ITGBL1: variants seen among roughly 807,000 people sequenced by gnomAD.
The protein encoded by ITGBL1 is integrin subunit beta like 1.
In ITGBL1, 51 loss-of-function variants were observed where a neutral mutation model predicts 68.5. The observed-to-expected ratio is 0.74, with a 90% CI of 0.59 to 0.94. The LOEUF (loss-of-function observed/expected upper bound fraction) is 0.94. Among genes scored for constraint, ITGBL1 ranks in the 40% least tolerant of loss-of-function variants. The pLI is 0.00. For synonymous variants in ITGBL1, 209 were observed against 227.3 expected, an observed-to-expected ratio of 0.92 and a Z score of 0.72; for missense variants, 649 against 647.4, an observed-to-expected ratio of 1.00 and a Z score of -0.03.
intron 7 of ITGBL1, among the ~76,000 whole-genome samples, chr13:101,653,242 T>C (rs2032811217): frequency 7.1e-6 from 1 of 140,134 alleles, no homozygotes; most frequent in African/African-American, 2.5e-5. Flanking sequence ...ATTTGTGCCA[T>C]TGACTAACTG....
chr13:101,554,107 C>T (rs937964822), intron 2 of ITGBL1, among the ~76,000 whole-genome samples: 3 of 152,102 alleles, frequency 2.0e-5, no homozygotes, highest in Non-Finnish European at 4.4e-5. Flanking sequence ...GGATAACAGT[C>T]ATATCAGATT....
Position 101,672,996 on chromosome 13 carries a change from G to T in ITGBL1, c.1016-19589G>T, listed in dbSNP as rs117187613. ...AGACAATTTGATGTAAATTTCAAGG[G>T]ACAAGACTTGTGCCTGATGTTTGAG... On this transcript the variant is annotated intron_variant, in intron 7 of 10. Coordinates refer to ENST00000376180, the MANE Select transcript of ITGBL1 (RefSeq NM_004791.3). 5.6e-3 allele frequency among the ~76,000 whole-genome samples: 846 copies of T among 152,246 alleles called. 4 individuals carry two copies. The highest frequency in any genetic ancestry group is 0.01 in the Non-Finnish European group (702 of 68,018).
chr13:101,476,834 C>A (rs1291593883), intron 2 of ITGBL1, among the ~76,000 whole-genome samples: 1 of 151,974 alleles, frequency 6.6e-6, no homozygotes, highest in Non-Finnish European at 1.5e-5. Flanking sequence ...AACTGGAGCA[C>A]CTAGACATGT....
At chr13:101,472,389 C>G (rs2048474267) in intron 2 of ITGBL1, among the ~76,000 whole-genome samples, 1 of 152,266 alleles carries the variant, frequency 6.6e-6, no homozygotes, top group African/African-American at 2.4e-5. Flanking sequence ...AAGCTGCTTA[C>G]CTATGTTTTG....
chr13:101,571,690 A>G lies in ITGBL1; in HGVS notation c.464-3734A>G, dbSNP rs576962111. On this transcript the variant is annotated intron_variant, in intron 3 of 10. Transcript: ENST00000376180. Reference sequence around the variant, plus strand: ...CATGTATTTCTTTTTGTGTAAAGATAAATAGACATATTTGTGTGTTATTAT... The same window carrying G: ...CATGTATTTCTTTTTGTGTAAAGATGAATAGACATATTTGTGTGTTATTAT... Among the ~76,000 whole-genome samples, 117 of 152,268 alleles carry G rather than the reference A, an allele frequency of 7.7e-4. 1 individual carries two copies. Among genetic ancestry groups the G allele is most frequent in the African/African-American group, 2.7e-3 (111 of 41,572 alleles).
intron 2 of ITGBL1, among the ~76,000 whole-genome samples, chr13:101,463,814 A>T (rs1002784637): frequency 6.6e-6 from 1 of 152,140 alleles, no homozygotes; most frequent in Admixed American, 6.6e-5. Flanking sequence ...TATGTAATAA[A>T]CATTACTGAA....
chr13:101,630,333 A>G (rs1157761881), intron 7 of ITGBL1, among the ~76,000 whole-genome samples: 1 of 152,146 alleles, frequency 6.6e-6, no homozygotes. Flanking sequence ...TTGAATGACA[A>G]TATTTTCTTT....
At chr13:101,559,494 A>C (rs2050065567) in intron 2 of ITGBL1, among the ~76,000 whole-genome samples, 1 of 152,258 alleles carries the variant, frequency 6.6e-6, no homozygotes, top group Non-Finnish European at 1.5e-5. Context: ...TCTTTCACCA[A>C]GGATTGTGAA....
intron 6 of ITGBL1, among the ~76,000 whole-genome samples, chr13:101,596,302 CTT>C (rs1474892117): frequency 1.3e-5 from 2 of 152,082 alleles, no homozygotes; most frequent in Non-Finnish European, 2.9e-5. Flanking sequence ...AATGGGGAGA[CTT>C]TGCATACAAA....
At chr13:101,682,557 A>G (rs2033669096) in intron 7 of ITGBL1, among the ~76,000 whole-genome samples, 1 of 152,026 alleles carries the variant, frequency 6.6e-6, no homozygotes, top group Non-Finnish European at 1.5e-5. Flanking sequence ...AATTTCCATC[A>G]TATTTACTAA....
chr13:101,564,703 A>C (rs1288054723), intron 2 of ITGBL1, among the ~76,000 whole-genome samples: 2 of 149,768 alleles, frequency 1.3e-5, no homozygotes, highest in African/African-American at 2.4e-5. Flanking sequence ...TGTATGTATA[A>C]ATTTTAAAAC....
intron 5 of ITGBL1, among the ~76,000 whole-genome samples, chr13:101,580,550 A>G (rs1383298734): frequency 1.3e-5 from 2 of 152,056 alleles, no homozygotes; most frequent in Non-Finnish European, 2.9e-5. Flanking sequence ...TTAACTTATC[A>G]TTTACATTAG....
intron 2 of ITGBL1, among the ~76,000 whole-genome samples, chr13:101,530,352 GTATCT>G (rs1343001106): frequency 6.6e-6 from 1 of 152,088 alleles, no homozygotes; most frequent in Non-Finnish European, 1.5e-5. Flanking sequence ...ATGTCTACTA[GTATCT>G]TATAAGTAAG....
At chr13:101,505,746 G>A (rs1196273766) in intron 2 of ITGBL1, among the ~76,000 whole-genome samples, 1 of 149,396 alleles carries the variant, frequency 6.7e-6, no homozygotes, top group Non-Finnish European at 1.5e-5. Context: ...ATCAATAGTC[G>A]ATGTTCCCTT....
rs150824118 is a variant in ITGBL1 at position 101,651,028 on chromosome 13, C to T, written c.1016-41557C>T. On this transcript the variant is annotated intron_variant, in intron 7 of 10. Coordinates refer to ENST00000376180, the MANE Select transcript of ITGBL1 (RefSeq NM_004791.3). ...AGTATTTCATGGTGTATGTGTACCA[C>T]ATTTTCTTTAGTCTATCATTGATGG... Among the ~76,000 whole-genome samples, 495 of 152,274 alleles carry T rather than the reference C, an allele frequency of 3.3e-3. 4 individuals are homozygous for T. Among genetic ancestry groups the T allele is most frequent in the Middle Eastern group, 0.02 (6 of 294 alleles).
At chr13:101,486,204 A>G (rs1483856790) in intron 2 of ITGBL1, among the ~76,000 whole-genome samples, 1 of 152,194 alleles carries the variant, frequency 6.6e-6, no homozygotes, top group East Asian at 1.9e-4. Flanking sequence ...ACTTGGATGG[A>G]GCTGGGGGCC....
At chr13:101,498,200 A>C (rs2139077585) in intron 2 of ITGBL1, among the ~76,000 whole-genome samples, 1 of 152,090 alleles carries the variant, frequency 6.6e-6, no homozygotes, top group Admixed American at 6.6e-5. Context: ...TTCTATTGGG[A>C]GTTGTCTCCA....
intron 7 of ITGBL1, among the ~76,000 whole-genome samples, chr13:101,599,014 G>A (rs1025510441): frequency 2.6e-5 from 4 of 152,176 alleles, no homozygotes; most frequent in Non-Finnish European, 4.4e-5. Context: ...TTGTCACACC[G>A]ACTTCCACAA....
At chr13:101,495,341 T>C (rs1393833616) in intron 2 of ITGBL1, among the ~76,000 whole-genome samples, 1 of 152,114 alleles carries the variant, frequency 6.6e-6, no homozygotes, top group Non-Finnish European at 1.5e-5. Context: ...TCACATTTGT[T>C]TCCCAGGCCC....
Sources: gnomAD v4.1 joint callset for allele counts (sites outside exome capture counted in the v4.1 genomes callset) on GRCh38, gnomAD v4.1.1 for gene constraint, MANE v1.5 for transcripts, NCBI Gene and HGNC (gene_info 2026-07-23, HGNC 2026-07-21) for gene names.